The following CTNNA3 variants were observed in gnomAD, a reference collection of about 807,000 sequenced individuals.
CTNNA3 encodes the protein catenin alpha-3.
Under a neutral mutation model 95.7 loss-of-function variants are expected in CTNNA3, and 76 were observed. The ratio of observed to expected loss-of-function variants is 0.79; its 90% CI spans 0.66 to 0.96. The LOEUF (loss-of-function observed/expected upper bound fraction) is 0.96, where lower values mean the gene tolerates loss of function less well. Ranked by LOEUF, CTNNA3 falls within the 40% of genes least tolerant of loss-of-function variation. The pLI is 0.00. For synonymous variants in CTNNA3, 431 were observed against 374.4 expected (o/e 1.15, Z -1.74); for missense variants, 1,191 against 1,089.8 (o/e 1.09, Z -1.31).
At chr10:65,964,639 G>A (rs989891732) in intron 17 of CTNNA3, among the ~76,000 whole-genome samples, 3 of 152,078 alleles carry the variant, frequency 2.0e-5, no homozygotes, top group Admixed American at 1.3e-4. Context: ...AAAGCTTAGC[G>A]TCATACAACA....
intron 5 of CTNNA3, among the ~76,000 whole-genome samples, chr10:67,224,319 C>CATATAAATACA (rs1864792287): frequency 6.6e-6 from 1 of 152,186 alleles, no homozygotes; most frequent in Admixed American, 6.5e-5. Flanking sequence ...TTAGATTCCA[C>CATATAAATACA]ATATAAATAC....
At chr10:66,399,158 C>A (rs995333362) in intron 11 of CTNNA3, among the ~76,000 whole-genome samples, 1 of 151,854 alleles carries the variant, frequency 6.6e-6, no homozygotes, top group East Asian at 1.9e-4. Flanking sequence ...TTGCTTTCTT[C>A]ATACAATTTC....
chr10:66,702,943 C>A (rs1350748843), intron 9 of CTNNA3, among the ~76,000 whole-genome samples: 1 of 152,068 alleles, frequency 6.6e-6, no homozygotes, highest in East Asian at 1.9e-4. Flanking sequence ...ACTATTATCA[C>A]AATCAACTTG....
At chr10:66,796,654 C>A (rs1841204002) in intron 7 of CTNNA3, among the ~76,000 whole-genome samples, 1 of 152,016 alleles carries the variant, frequency 6.6e-6, no homozygotes. Flanking sequence ...CTCCAAAGTG[C>A]AATAAAGTGA....
chr10:66,887,564 A>C (rs866320847), intron 7 of CTNNA3, among the ~76,000 whole-genome samples: 9 of 151,848 alleles, frequency 5.9e-5, no homozygotes, highest in Middle Eastern at 3.2e-3. Context: ...TTAACAATTC[A>C]TCAGGGCCAA....
In CTNNA3 at chr10:66,766,435, T is replaced by G. The variant is rs1283473937; in HGVS notation, c.1129-19A>C. On this transcript the variant is annotated intron_variant, in intron 8 of 17. Transcript: ENST00000433211. ...TGCGGAGCTGAGAAGAAATGAAAAA[T>G]TCAGGTTTTTTTTTTCCAGGAAATA... The G allele has an allele frequency of 6.3e-7, 1 of 1,583,448 alleles. No homozygotes were observed. The highest frequency in any genetic ancestry group is 8.6e-7 in the Non-Finnish European group (1 of 1,163,736).
At chr10:65,957,389 A>G (rs1017256254) in intron 17 of CTNNA3, among the ~76,000 whole-genome samples, 2 of 152,148 alleles carry the variant, frequency 1.3e-5, no homozygotes, top group African/African-American at 2.4e-5. Context: ...GCCCATTTGC[A>G]TTTAAGGTTA....
At chr10:66,362,251 C>T (rs2092681729) in intron 12 of CTNNA3, among the ~76,000 whole-genome samples, 1 of 151,670 alleles carries the variant, frequency 6.6e-6, no homozygotes, top group Non-Finnish European at 1.5e-5. Flanking sequence ...TATAGGTGTG[C>T]AACACCATGC....
intron 17 of CTNNA3, among the ~76,000 whole-genome samples, chr10:65,962,640 G>C (rs758577368): frequency 7.9e-5 from 12 of 151,782 alleles, no homozygotes; most frequent in Non-Finnish European, 1.6e-4. Context: ...ACGTGCCCTG[G>C]TGGTTTGCTG....
chr10:66,651,962 G>A lies in CTNNA3; in HGVS notation c.1282-30178C>T, dbSNP rs868830641. Among the ~76,000 whole-genome samples the A allele has an allele frequency of 3.0e-4, 46 of 151,204 alleles. No individual in the cohort carries two copies. In the Middle Eastern group the frequency reaches 0.02, roughly 67 times the overall value. ...CCAAGGCCAAGGAGGCACCGAGAGCGAGCAAGGGCTGCTAGCACGTTGTCA... is the reference window on the plus strand; with the variant it reads ...CCAAGGCCAAGGAGGCACCGAGAGCAAGCAAGGGCTGCTAGCACGTTGTCA... On this transcript the variant is annotated intron_variant, in intron 9 of 17. Transcript: ENST00000433211.
intron 9 of CTNNA3, among the ~76,000 whole-genome samples, chr10:66,665,463 C>T (rs1210443661): frequency 6.6e-6 from 1 of 152,190 alleles, no homozygotes; most frequent in African/African-American, 2.4e-5. Flanking sequence ...GCAAAAGTCA[C>T]ACAATTTTAT....
intron 13 of CTNNA3, among the ~76,000 whole-genome samples, chr10:66,178,386 A>G (rs1296491138): frequency 7.2e-6 from 1 of 138,722 alleles, no homozygotes; most frequent in Non-Finnish European, 1.6e-5. Flanking sequence ...ATACAACTAC[A>G]AACCTTGAAA....
At chr10:66,702,936 A>T (rs1228067615) in intron 9 of CTNNA3, among the ~76,000 whole-genome samples, 1 of 152,098 alleles carries the variant, frequency 6.6e-6, no homozygotes, top group Non-Finnish European at 1.5e-5. Context: ...AATCATCACT[A>T]TTATCACAAT....
chr10:66,510,776 G>A (rs184037199), intron 11 of CTNNA3, among the ~76,000 whole-genome samples: 1 of 151,894 alleles, frequency 6.6e-6, no homozygotes, highest in African/African-American at 2.4e-5. Context: ...TTGACGTGCT[G>A]TTGGGTTCTA....
chr10:67,559,254 T>A (rs965147041), intron 3 of CTNNA3, among the ~76,000 whole-genome samples: 1 of 152,210 alleles, frequency 6.6e-6, no homozygotes, highest in Non-Finnish European at 1.5e-5. Context: ...AGGGGCAGAC[T>A]GACACCTCAC....
chr10:66,481,644 T>C (rs1839538686), intron 11 of CTNNA3, among the ~76,000 whole-genome samples: 1 of 147,788 alleles, frequency 6.8e-6, no homozygotes, highest in African/African-American at 2.6e-5. Context: ...GCTAATTTTT[T>C]GTATTTTTAG....
chr10:67,000,910 G>T (rs1049810708), intron 7 of CTNNA3, among the ~76,000 whole-genome samples: 6 of 151,972 alleles, frequency 3.9e-5, no homozygotes, highest in Non-Finnish European at 7.4e-5. Context: ...AGTGACCAAG[G>T]GCTGACTCAG....
chr10:66,572,565 C>CA lies in CTNNA3; in HGVS notation c.1374+49126dup, dbSNP rs767209768. 7.2e-3 allele frequency among the ~76,000 whole-genome samples: 948 copies of CA among 130,790 alleles called. 6 individuals carry two copies. The highest frequency in any genetic ancestry group is 8.2e-3 in the Non-Finnish European group (496 of 60,692). The allele number at this position is 130,790 out of a possible 152,430, so 85.8% of individuals were successfully genotyped here. On this transcript the variant is annotated intron_variant, in intron 10 of 17. Coordinates refer to ENST00000433211, the MANE Select transcript of CTNNA3 (RefSeq NM_013266.4). ...GGCTAATTGCATTTAGGCCAGGACT[C>CA]AAAAAAAAAAACAAAACATGAAATA...
At chr10:66,647,201 T>C (rs1325966561) in intron 9 of CTNNA3, among the ~76,000 whole-genome samples, 1 of 152,150 alleles carries the variant, frequency 6.6e-6, no homozygotes, top group Non-Finnish European at 1.5e-5. Context: ...AAAGGGTTCA[T>C]ACACTACAAG....
Sources: gnomAD v4.1 joint callset for allele counts (sites outside exome capture counted in the v4.1 genomes callset) on GRCh38, gnomAD v4.1.1 for gene constraint, MANE v1.5 for transcripts, NCBI Gene and HGNC (gene_info 2026-07-23, HGNC 2026-07-21) for gene names.